SEPTIN9: variants seen among roughly 807,000 people sequenced by gnomAD.
SEPTIN9 encodes the protein septin 9.
A neutral mutation model predicts 56.6 loss-of-function variants in SEPTIN9; 13 were observed. The observed-to-expected ratio is 0.23, with a 90% CI of 0.15 to 0.37. The LOEUF is 0.37. Ranked by LOEUF, SEPTIN9 falls within the 10% of genes least tolerant of loss-of-function variation. The probability of loss-of-function intolerance (pLI) is 1.00; values close to 1 mark genes in which losing one functional copy is unlikely to be tolerated. For synonymous variants in SEPTIN9, 332 were observed against 334.1 expected (o/e 0.99, Z 0.07); for missense variants, 650 against 823.1 (o/e 0.79, Z 2.57).
chr17:77,432,073 G>A (rs1435921364), intron 3 of SEPTIN9, among the ~76,000 whole-genome samples: 1 of 152,154 alleles, frequency 6.6e-6, no homozygotes, highest in African/African-American at 2.4e-5. Context: ...CCCCTCACAT[G>A]CTCTCTCTGC....
At chr17:77,312,367 C>T (rs2032534555) in intron 2 of SEPTIN9, among the ~76,000 whole-genome samples, 1 of 152,186 alleles carries the variant, frequency 6.6e-6, no homozygotes, top group African/African-American at 2.4e-5. Context: ...CCCAGCCTGG[C>T]CCTGATACCG....
chr17:77,498,231 C>G (rs1287254227), intron 11 of SEPTIN9, among the ~76,000 whole-genome samples: 1 of 152,012 alleles, frequency 6.6e-6, no homozygotes, highest in African/African-American at 2.4e-5. Flanking sequence ...TCCCTGGGCC[C>G]TGGACCCAGG....
chr17:77,292,896 C>A (rs373472503), intron 1 of SEPTIN9, among the ~76,000 whole-genome samples: 31 of 152,308 alleles, frequency 2.0e-4, no homozygotes, highest in African/African-American at 6.5e-4. Flanking sequence ...GGCCCCCTGG[C>A]CCTGCCCTGT....
chr17:77,467,991 C>T (rs962579259), intron 3 of SEPTIN9, among the ~76,000 whole-genome samples: 5 of 152,108 alleles, frequency 3.3e-5, no homozygotes, highest in African/African-American at 9.7e-5. Flanking sequence ...CTAGGCTGGG[C>T]GTGGTGTCTC....
intron 2 of SEPTIN9, among the ~76,000 whole-genome samples, chr17:77,379,541 C>T (rs758085222): frequency 1.3e-5 from 2 of 152,154 alleles, no homozygotes; most frequent in Admixed American, 6.5e-5. Context: ...AGCCTGGTGC[C>T]GGGAGAGCAG....
intron 3 of SEPTIN9, among the ~76,000 whole-genome samples, chr17:77,480,353 C>T (rs1326984504): frequency 6.6e-6 from 1 of 152,220 alleles, no homozygotes. Flanking sequence ...GAGCCTCCCT[C>T]CGACACCCTC....
chr17:77,408,059 C>G (rs1019754801), intron 3 of SEPTIN9, among the ~76,000 whole-genome samples: 11 of 152,040 alleles, frequency 7.2e-5, no homozygotes, highest in African/African-American at 2.4e-4. Context: ...GCTCAGCGCT[C>G]GTTCATGGGT....
intron 2 of SEPTIN9, among the ~76,000 whole-genome samples, chr17:77,381,617 G>GC (rs1219820387): frequency 6.6e-6 from 1 of 152,212 alleles, no homozygotes; most frequent in Non-Finnish European, 1.5e-5. Flanking sequence ...TCTGCCTCTT[G>GC]CCCCCCATTA....
At position 77,449,560 on chromosome 17, in the gene SEPTIN9, T is replaced by C. The variant is rs1236974495; in HGVS notation, c.722-32584T>C. 6.6e-6 allele frequency among the ~76,000 whole-genome samples: 1 copy of C among 152,208 alleles called. No individual in the cohort carries two copies. Among genetic ancestry groups the C allele is most frequent in the Non-Finnish European group, 1.5e-5 (1 of 68,026 alleles). On this transcript the variant is annotated intron_variant, in intron 3 of 11. Transcript: ENST00000427177. The surrounding 1 kb of genome is among the most constrained non-coding windows in gnomAD (Gnocchi z 4.6). Reference sequence around the variant, plus strand: ...GAGGAGGGCCAAGGAAGAAGGGTTCTGCCCACGGGGAGGGAGAGGCCCACG... The same window carrying C: ...GAGGAGGGCCAAGGAAGAAGGGTTCCGCCCACGGGGAGGGAGAGGCCCACG...
chr17:77,494,663 G>T (rs2040176293), intron 10 of SEPTIN9, among the ~76,000 whole-genome samples: 1 of 152,244 alleles, frequency 6.6e-6, no homozygotes, highest in South Asian at 2.1e-4. Context: ...CTCGTTTCAT[G>T]TCCGAAGCTC....
rs2037363670 is a variant in SEPTIN9 at position 77,436,947 on chromosome 17, T to C, written c.721+34244T>C. Among the ~76,000 whole-genome samples the C allele has an allele frequency of 6.6e-6, 1 of 152,206 alleles. No homozygotes were observed. Among genetic ancestry groups the C allele is most frequent in the African/African-American group, 2.4e-5 (1 of 41,460 alleles). Reference sequence around the variant, plus strand: ...ATTGTTTGGGGTGGTGAGTGGAAGATGCAGGACACAGATTCACGCGATTGT... The same window carrying C: ...ATTGTTTGGGGTGGTGAGTGGAAGACGCAGGACACAGATTCACGCGATTGT... On this transcript the variant is annotated intron_variant, in intron 3 of 11. Coordinates refer to ENST00000427177, the MANE Select transcript of SEPTIN9 (RefSeq NM_001113491.2). This position sits in a 1 kb window ranked among gnomAD's most constrained non-coding sequence, Gnocchi z 4.4.
At chr17:77,461,320 A>G (rs1286870249) in intron 3 of SEPTIN9, among the ~76,000 whole-genome samples, 3 of 152,138 alleles carry the variant, frequency 2.0e-5, no homozygotes, top group African/African-American at 7.2e-5. Context: ...AAATAAAAAT[A>G]AATAAATAAA....
intron 3 of SEPTIN9, among the ~76,000 whole-genome samples, chr17:77,470,002 C>T (rs2038914165): frequency 6.7e-6 from 1 of 150,314 alleles, no homozygotes; most frequent in Non-Finnish European, 1.5e-5. Flanking sequence ...TATCTATGCA[C>T]TCATCCACCC....
chr17:77,460,048 G>T (rs1442936196), intron 3 of SEPTIN9, among the ~76,000 whole-genome samples: 1 of 151,966 alleles, frequency 6.6e-6, no homozygotes, highest in Non-Finnish European at 1.5e-5. Context: ...ATCCATGAGG[G>T]ATCCACCCCC....
chr17:77,386,871 C>T (rs1038962339), intron 2 of SEPTIN9, among the ~76,000 whole-genome samples: 2 of 152,246 alleles, frequency 1.3e-5, no homozygotes, highest in Non-Finnish European at 2.9e-5. Flanking sequence ...GGTCAGTTCT[C>T]TCCAGGATTT....
chr17:77,324,076 G>A (rs1211604177), intron 2 of SEPTIN9, among the ~76,000 whole-genome samples: 1 of 152,208 alleles, frequency 6.6e-6, no homozygotes, highest in Non-Finnish European at 1.5e-5. Flanking sequence ...AACCCTTGGC[G>A]TTCCTTGGCT....
chr17:77,499,741 ACC>A lies in SEPTIN9; in HGVS notation c.*1086_*1087del, dbSNP rs2040428179. On this transcript the variant is annotated 3_prime_UTR_variant, in exon 12 of 12. Coordinates refer to ENST00000427177, the MANE Select transcript of SEPTIN9 (RefSeq NM_001113491.2). Reference sequence around the variant, plus strand: ...TAGTTACATTAATGCCCAGCCAGCCACCCCTGCCACTCACCCTTCCTGGCCCA... The same window carrying A: ...TAGTTACATTAATGCCCAGCCAGCCACCTGCCACTCACCCTTCCTGGCCCA... 3.1e-6 allele frequency: 1 copy of A among 317,904 alleles called. No individual in the cohort carries two copies. Among genetic ancestry groups the A allele is most frequent in the Non-Finnish European group, 5.9e-6 (1 of 168,662 alleles). 19.7% of individuals were successfully genotyped at this position (317,904 alleles called of 1,614,324 possible).
In SEPTIN9 at chr17:77,313,254, G is replaced by A. The variant is rs1001500034; in HGVS notation, c.76+6057G>A. ...GAATGGAGCGCCAGCTCCAGCTCCT[G>A]TCAGGCTACAGCCCAGATGGTTGGC... On this transcript the variant is annotated intron_variant, in intron 2 of 11. Coordinates refer to ENST00000427177, the MANE Select transcript of SEPTIN9 (RefSeq NM_001113491.2). This position sits in a 1 kb window ranked among gnomAD's most constrained non-coding sequence, Gnocchi z 4.5. Among the ~76,000 whole-genome samples the A allele has an allele frequency of 3.9e-5, 6 of 152,252 alleles. No individual in the cohort carries two copies. Among genetic ancestry groups the A allele is most frequent in the African/African-American group, 1.4e-4 (6 of 41,474 alleles).
At chr17:77,482,648 A>G in intron 4 of SEPTIN9, 1 of 616,684 alleles carries the variant, frequency 1.6e-6, no homozygotes, top group Non-Finnish European at 2.9e-6. Flanking sequence ...CAGCTTGTGC[A>G]GAGGGTTCTG....
Sources: gnomAD v4.1 joint callset for allele counts (sites outside exome capture counted in the v4.1 genomes callset) on GRCh38, gnomAD v4.1.1 for gene constraint, Gnocchi (gnomAD v3.1) non-coding constraint, MANE v1.5 for transcripts, NCBI Gene and HGNC (gene_info 2026-07-23, HGNC 2026-07-21) for gene names.